The following PRKN variants were observed in gnomAD, a reference collection of about 807,000 sequenced individuals.
PRKN encodes the protein E3 ubiquitin-protein ligase parkin.
In PRKN, 56 loss-of-function variants were observed where a neutral mutation model predicts 59.5. The observed-to-expected ratio is 0.94, with a 90% CI of 0.76 to 1.18. PRKN has a LOEUF of 1.18. Ranked by LOEUF, PRKN falls within the 50% of genes most tolerant of loss-of-function variation. The pLI is 0.00. For synonymous variants in PRKN, 250 were observed against 222.1 expected, an observed-to-expected ratio of 1.13 and a Z score of -1.12; for missense variants, 657 against 596.4, an observed-to-expected ratio of 1.10 and a Z score of -1.06.
chr6:161,570,147 AT>A (rs59704286), intron 7 of PRKN, among the ~76,000 whole-genome samples: 1,326 of 81,890 alleles, frequency 0.016, 3 homozygotes, highest in African/African-American at 0.019. Flanking sequence ...AAAAAAAAAA[AT>A]ATATATATAT....
intron 6 of PRKN, among the ~76,000 whole-genome samples, chr6:161,972,069 T>A (rs988706032): frequency 6.6e-6 from 1 of 151,790 alleles, no homozygotes; most frequent in Non-Finnish European, 1.5e-5. Context: ...AGGTCAGGAG[T>A]TCGAGACCAG....
rs1318563025 is a variant in PRKN at position 161,562,099 on chromosome 6, C to A, written c.933+7256G>T. 6.6e-6 allele frequency among the ~76,000 whole-genome samples: 1 copy of A among 151,066 alleles called. No homozygotes were observed. Among genetic ancestry groups the A allele is most frequent in the Admixed American group, 6.6e-5 (1 of 15,198 alleles). The stretch of plus-strand genomic sequence containing the variant: ...AGCATTCCTCCTCTGGAAGCCCCAC[C>A]TTCTCAGCTTCCCAAACACCATAAA... On this transcript the variant is annotated intron_variant, in intron 8 of 11. Transcript: ENST00000366898. The surrounding 1 kb of genome is among the most constrained non-coding windows in gnomAD (Gnocchi z 4.3).
At chr6:161,654,841 A>T (rs912197465) in intron 7 of PRKN, among the ~76,000 whole-genome samples, 2 of 152,178 alleles carry the variant, frequency 1.3e-5, no homozygotes, top group Admixed American at 6.5e-5. Flanking sequence ...GCCCCCTGGG[A>T]GGGACCCTTT....
At chr6:161,571,125 T>G (rs1562532863) in intron 7 of PRKN, among the ~76,000 whole-genome samples, 1 of 152,038 alleles carries the variant, frequency 6.6e-6, no homozygotes, top group Non-Finnish European at 1.5e-5. Context: ...CCTAATTTTT[T>G]GTAGAGATGG....
rs984353257 is a variant in PRKN at position 161,440,915 on chromosome 6, A to C, written c.1084-54038T>G. Among the ~76,000 whole-genome samples the C allele has an allele frequency of 1.3e-5, 2 of 152,220 alleles. No individual in the cohort carries two copies. Among genetic ancestry groups the C allele is most frequent in the African/African-American group, 4.8e-5 (2 of 41,460 alleles). On this transcript the variant is annotated intron_variant, in intron 9 of 11. Coordinates refer to ENST00000366898, the MANE Select transcript of PRKN (RefSeq NM_004562.3). This position sits in a 1 kb window ranked among gnomAD's most constrained non-coding sequence, Gnocchi z 4.1. Reference sequence around the variant, plus strand: ...AGGCTGAACTGAAGGTGTCCCTAGAAAATTTAAGACTAAAATGTCAGCTGA... The same window carrying C: ...AGGCTGAACTGAAGGTGTCCCTAGACAATTTAAGACTAAAATGTCAGCTGA...
rs558180308 is a variant in PRKN, at chr6:162,717,074, T to C, written c.7+10588A>G. ...AGGCTATCCTGGTGGCTCCTGAATGTAACCCCATGTGTTCTTTTAAGAGGA... is the reference window on the plus strand; with the variant it reads ...AGGCTATCCTGGTGGCTCCTGAATGCAACCCCATGTGTTCTTTTAAGAGGA... On this transcript the variant is annotated intron_variant, in intron 1 of 11. Transcript: ENST00000366898. Among the ~76,000 whole-genome samples, 8 of 152,312 alleles carry C rather than the reference T, an allele frequency of 5.3e-5. No individual in the cohort carries two copies. The East Asian group carries it at 1.5e-3, about 29-fold the overall frequency.
intron 2 of PRKN, among the ~76,000 whole-genome samples, chr6:162,355,616 T>G (rs1291576070): frequency 1.3e-5 from 2 of 151,946 alleles, no homozygotes; most frequent in African/African-American, 4.8e-5. Flanking sequence ...GCCCATTTCT[T>G]CAGCATGAAT....
intron 7 of PRKN, among the ~76,000 whole-genome samples, chr6:161,775,813 C>T (rs1264841586): frequency 1.3e-5 from 2 of 152,136 alleles, no homozygotes; most frequent in African/African-American, 4.8e-5. Flanking sequence ...ATCTCTGTAT[C>T]TAAACAGGAT....
At chr6:162,449,955 T>C (rs1197878669) in intron 1 of PRKN, among the ~76,000 whole-genome samples, 3 of 152,210 alleles carry the variant, frequency 2.0e-5, no homozygotes, top group African/African-American at 4.8e-5. Flanking sequence ...CTCACAGCTT[T>C]AGGCTTGAAG....
chr6:162,177,332 T>A (rs1441868050), intron 4 of PRKN, among the ~76,000 whole-genome samples: 1 of 152,128 alleles, frequency 6.6e-6, no homozygotes, highest in Admixed American at 6.5e-5. Flanking sequence ...TATGTGTGAG[T>A]GTGAATGCAT....
chr6:162,096,362 C>A (rs989274187), intron 4 of PRKN, among the ~76,000 whole-genome samples: 7 of 152,158 alleles, frequency 4.6e-5, no homozygotes, highest in African/African-American at 1.7e-4. Flanking sequence ...GATAAGCCAA[C>A]CTGTTCCATT....
At chr6:162,541,843 G>A (rs1778936987) in intron 1 of PRKN, among the ~76,000 whole-genome samples, 1 of 151,936 alleles carries the variant, frequency 6.6e-6, no homozygotes, top group Non-Finnish European at 1.5e-5. Flanking sequence ...TAGCAAGAGA[G>A]TCTGGCCCCA....
At chr6:161,820,066 A>G (rs1791956266) in intron 6 of PRKN, among the ~76,000 whole-genome samples, 2 of 152,204 alleles carry the variant, frequency 1.3e-5, no homozygotes, top group African/African-American at 4.8e-5. Flanking sequence ...GGCCAGTGAC[A>G]TAAACGTACC....
chr6:161,857,090 A>G (rs1251206836), intron 6 of PRKN, among the ~76,000 whole-genome samples: 3 of 152,014 alleles, frequency 2.0e-5, no homozygotes, highest in Non-Finnish European at 4.4e-5. Flanking sequence ...TTAGCTGGGC[A>G]TGATGGTGGG....
At chr6:162,269,631 G>T (rs1023753069) in intron 2 of PRKN, 1 of 152,194 alleles carries the variant, frequency 6.6e-6, no homozygotes, top group East Asian at 1.9e-4. Context: ...TCTATGGTCT[G>T]TAAAGTAGGT....
In PRKN at chr6:161,361,526, TA is replaced by T. The variant is rs1784974753; in HGVS notation, c.1168-1322del. Among the ~76,000 whole-genome samples, 1 of 152,178 alleles carries T rather than the reference TA, an allele frequency of 6.6e-6. No individual in the cohort carries two copies. On this transcript the variant is annotated intron_variant, in intron 10 of 11. Transcript: ENST00000366898. The surrounding 1 kb of genome is among the most constrained non-coding windows in gnomAD (Gnocchi z 5.2). Reference sequence around the variant, plus strand: ...CAGGGGTTACCAAACTTTCAGGGGTTACCACTAAACTTTCAGGGGTTACCAA... The same window carrying T: ...CAGGGGTTACCAAACTTTCAGGGGTTCCACTAAACTTTCAGGGGTTACCAA...
intron 7 of PRKN, among the ~76,000 whole-genome samples, chr6:161,621,865 A>G (rs1782914207): frequency 6.6e-6 from 1 of 152,170 alleles, no homozygotes; most frequent in Non-Finnish European, 1.5e-5. Flanking sequence ...ACTCACTCCT[A>G]GTATGTTACC....
At chr6:162,279,540 T>G (rs535871962) in intron 2 of PRKN, among the ~76,000 whole-genome samples, 1 of 152,224 alleles carries the variant, frequency 6.6e-6, no homozygotes, top group South Asian at 2.1e-4. Context: ...TGCCTTGTGG[T>G]CTGAGAGACT....
chr6:162,531,285 G>A (rs529329612), intron 1 of PRKN, among the ~76,000 whole-genome samples: 17 of 152,188 alleles, frequency 1.1e-4, no homozygotes, highest in African/African-American at 2.6e-4. Flanking sequence ...TTGTGTAACC[G>A]TCAAGGGGTT....
Sources: allele counts gnomAD v4.1 joint callset (sites outside exome capture counted in the v4.1 genomes callset), GRCh38; gene constraint gnomAD v4.1.1; non-coding constraint Gnocchi (gnomAD v3.1); transcripts MANE v1.5; gene names NCBI Gene and HGNC (gene_info 2026-07-23, HGNC 2026-07-21).